The following SLC51B variants were observed in gnomAD, a reference collection of about 807,000 sequenced individuals.
The protein encoded by SLC51B is organic solute transporter subunit beta.
In SLC51B, 6 loss-of-function variants were observed where a neutral mutation model predicts 8.0. That is an observed-to-expected ratio of 0.75 (90% CI 0.41 to 1.48). The LOEUF (loss-of-function observed/expected upper bound fraction) is 1.48. Among genes scored for constraint, SLC51B ranks in the 40% most tolerant of loss-of-function variants. The pLI, the probability that SLC51B is intolerant of heterozygous loss-of-function variation, is 0.01. For synonymous variants in SLC51B, 61 were observed against 54.8 expected, an observed-to-expected ratio of 1.11 and a Z score of -0.50; for missense variants, 150 against 149.7, an observed-to-expected ratio of 1.00 and a Z score of -0.01.
chr15:65,049,285 T>C (rs2086616140), intron 1 of SLC51B: 1 of 149,650 alleles, frequency 6.7e-6, no homozygotes, highest in Non-Finnish European at 1.5e-5. Flanking sequence ...GGATTCAAGT[T>C]CTTCCCTTGC....
In SLC51B at chr15:65,051,908, C is replaced by A. The variant is rs1035443660; in HGVS notation, c.188+303C>A. On this transcript the variant is annotated intron_variant, in intron 3 of 3. Transcript: ENST00000334287. Reference sequence around the variant, plus strand: ...CCCTCTCACCCTATCAGCACACATGCACCTCAGCAAAGTCAACTCAGAGAT... The same window carrying A: ...CCCTCTCACCCTATCAGCACACATGAACCTCAGCAAAGTCAACTCAGAGAT... Among the ~76,000 whole-genome samples the A allele has an allele frequency of 5.3e-5, 8 of 152,206 alleles. 1 individual carries two copies. Among genetic ancestry groups the A allele is most frequent in the African/African-American group, 1.9e-4 (8 of 41,442 alleles).
At chr15:65,047,036 A>G (rs2086585195) in intron 1 of SLC51B, among the ~76,000 whole-genome samples, 1 of 152,210 alleles carries the variant, frequency 6.6e-6, no homozygotes, top group African/African-American at 2.4e-5. Flanking sequence ...CTCAAAAGGT[A>G]TAAGTACAAT....
rs533867122 is a variant in SLC51B, at chr15:65,053,017, G to T, written c.240G>T (p.Leu80Phe). 6.2e-7 allele frequency: 1 copy of T among 1,613,830 alleles called. No individual in the cohort carries two copies. The highest frequency in any genetic ancestry group is 2.2e-5 in the East Asian group (1 of 44,870). Residue 80 changes from leucine to phenylalanine, a missense_variant, in exon 4 of 4, where the codon TTG (leucine) becomes TTT (phenylalanine). Transcript: ENST00000334287. ...AAGAAACTCCAGAAGTCCTGCATTT[G>T]GATGAGGCCAAGGATCACAACAGCC... is the stretch of plus-strand genomic sequence containing the variant. ...PEKETPEVLH[L>F]DEAKDHNSLN...
chr15:65,052,263 T>C (rs933574372), intron 3 of SLC51B, among the ~76,000 whole-genome samples: 1 of 151,952 alleles, frequency 6.6e-6, no homozygotes, highest in Non-Finnish European at 1.5e-5. Flanking sequence ...GTGTGAGGGA[T>C]GAGGTGTGTG....
intron 1 of SLC51B, 64 bp downstream of exon 1, chr15:65,045,646 A>C (rs193003561): frequency 1.6e-4 from 25 of 152,376 alleles, no homozygotes; most frequent in African/African-American, 6.0e-4. Context: ...TCACAGTCCA[A>C]TGGCACGATG....
At position 65,052,842 on chromosome 15, in the gene SLC51B, C is replaced by A. The variant is rs2086672340; in HGVS notation, c.189-124C>A. Reference sequence around the variant, plus strand: ...AAGGAATATCCAACCATTGCCGCTTCTCCTCTAGTAGCTCCCAAACTGCAT... The same window carrying A: ...AAGGAATATCCAACCATTGCCGCTTATCCTCTAGTAGCTCCCAAACTGCAT... On this transcript the variant is annotated intron_variant, in intron 3 of 3. Transcript: ENST00000334287. 3.8e-6 allele frequency: 3 copies of A among 792,918 alleles called. No individual in the cohort carries two copies. In the African/African-American group the frequency reaches 5.3e-5, roughly 14 times the overall value. 49.1% of individuals were successfully genotyped at this position (792,918 alleles called of 1,614,324 possible).
intron 1 of SLC51B, among the ~76,000 whole-genome samples, chr15:65,047,146 G>A (rs2086586530): frequency 1.3e-5 from 2 of 151,546 alleles, no homozygotes; most frequent in South Asian, 4.2e-4. Context: ...CACCAACCTG[G>A]CAAACATGGT....
chr15:65,051,224 T>C (rs762090948), intron 2 of SLC51B, among the ~76,000 whole-genome samples: 2 of 152,140 alleles, frequency 1.3e-5, no homozygotes, highest in Non-Finnish European at 2.9e-5. Flanking sequence ...GGCCCACCTG[T>C]CTCCTGCCCT....
At position 65,051,644 on chromosome 15, in the gene SLC51B, G is replaced by C. The variant is rs758308048; in HGVS notation, c.188+39G>C. On this transcript the variant is annotated intron_variant, in intron 3 of 3. Coordinates refer to ENST00000334287, the MANE Select transcript of SLC51B (RefSeq NM_178859.4). ...CCTGGGGGGATGGGGTGGTCTCTGT[G>C]GGGTAGAGGCCCTGCCTTCCCAGAG... 4 of 1,582,312 alleles carry C rather than the reference G, an allele frequency of 2.5e-6. No homozygotes were observed. In the Admixed American group the frequency reaches 6.7e-5, roughly 26 times the overall value.
Position 65,053,263 on chromosome 15 carries a change from C to T in SLC51B, c.*99C>T, listed in dbSNP as rs138349859. 1.1e-3 allele frequency: 1,689 copies of T among 1,470,926 alleles called. 1 individual carries two copies. The highest frequency in any genetic ancestry group is 1.4e-3 in the Non-Finnish European group (1,567 of 1,114,070). 91.1% of individuals were successfully genotyped at this position (1,470,926 alleles called of 1,614,324 possible). A position where few individuals can be genotyped will look rare whatever the true frequency, so the allele number is the denominator to read the frequency against. The stretch of plus-strand genomic sequence containing the variant: ...GGTTTTAGAGTCTCTCCCAAGAAGC[C>T]GCTTTTTTCTTTTTCTTTCTTTCTT... On this transcript the variant is annotated 3_prime_UTR_variant, in exon 4 of 4. Transcript: ENST00000334287.
intron 1 of SLC51B, among the ~76,000 whole-genome samples, chr15:65,048,298 G>A (rs1227432773): frequency 6.6e-6 from 1 of 151,948 alleles, no homozygotes; most frequent in Non-Finnish European, 1.5e-5. Context: ...AGTCAGTATT[G>A]TATTTGTGTC....
chr15:65,051,715 T>A, intron 3 of SLC51B, 110 bp downstream of exon 3: 1 of 933,462 alleles, frequency 1.1e-6, no homozygotes, highest in Non-Finnish European at 1.7e-6. Context: ...TGTCCACCCT[T>A]TGGGACAGCA....
intron 1 of SLC51B, chr15:65,049,547 A>G (rs2086621899): frequency 1.3e-5 from 2 of 152,900 alleles, no homozygotes; most frequent in African/African-American, 2.4e-5. Context: ...CACCCAAGGG[A>G]CAAGTTGCTA....
At chr15:65,051,420 C>A in intron 2 of SLC51B, 95 bp from the exon 3 acceptor site, 1 of 1,170,456 alleles carries the variant, frequency 8.5e-7, no homozygotes, top group South Asian at 1.3e-5. Flanking sequence ...ACAGTTGATG[C>A]TGTAAGCTGG....
rs1241676717 is a variant in SLC51B, at chr15:65,050,015, G to A, written c.11G>A (p.Ser4Asn). Residue 4 changes from serine to asparagine, a missense_variant, in exon 2 of 4, where the codon AGT (serine) becomes AAT (asparagine). By Grantham distance (46) the Ser-to-Asn change is conservative. Coordinates refer to ENST00000334287, the MANE Select transcript of SLC51B (RefSeq NM_178859.4). ...ACCAGGAGCAGGGGCATGGAGCACAGTGAGGGGGCTCCCGGAGACCCAGCC... is the reference window on the plus strand; with the variant it reads ...ACCAGGAGCAGGGGCATGGAGCACAATGAGGGGGCTCCCGGAGACCCAGCC... MEH[S>N]EGAPGDPAGT... The A allele has an allele frequency of 6.4e-7, 1 of 1,551,468 alleles. No individual in the cohort carries two copies. Among genetic ancestry groups the A allele is most frequent in the Admixed American group, 2.0e-5 (1 of 50,992 alleles).
At position 65,051,625 on chromosome 15, in the gene SLC51B, G is replaced by A. The variant is rs1252837086; in HGVS notation, c.188+20G>A. On this transcript the variant is annotated intron_variant, in intron 3 of 3. Transcript: ENST00000334287. The stretch of plus-strand genomic sequence containing the variant: ...AAGCAGGTGAGGAGCTGGTCCTGGG[G>A]GGATGGGGTGGTCTCTGTGGGGTAG... The A allele has an allele frequency of 6.2e-7, 1 of 1,610,654 alleles. No individual in the cohort carries two copies. Among genetic ancestry groups the A allele is most frequent in the Non-Finnish European group, 8.5e-7 (1 of 1,177,346 alleles).
chr15:65,050,122 G>T (rs2086630208), intron 2 of SLC51B, 21 bp downstream of exon 2: 1 of 1,542,038 alleles, frequency 6.5e-7, no homozygotes, highest in Non-Finnish European at 8.8e-7. Flanking sequence ...AGAGATTGAC[G>T]GCAGGGGTGG....
Position 65,053,079 on chromosome 15 carries a change from C to T in SLC51B, c.302C>T (p.Pro101Leu). 2 of 1,614,132 alleles carry T rather than the reference C, an allele frequency of 1.2e-6. No homozygotes were observed. Among genetic ancestry groups the T allele is most frequent in the Non-Finnish European group, 1.7e-6 (2 of 1,180,030 alleles). ...AGAGAAACTTTGCTCTCAGAAAAGC[C>T]AAACTTGGCCCAGGTGGAACTTGAG... Reference protein sequence around the residue: ...NLRETLLSEKPNLAQVELELK... With the variant: ...NLRETLLSEKLNLAQVELELK... Residue 101 changes from proline (P) to leucine (L), a missense_variant, in exon 4 of 4, where the codon CCA becomes CTA. Coordinates refer to ENST00000334287, the MANE Select transcript of SLC51B (RefSeq NM_178859.4).
intron 1 of SLC51B, among the ~76,000 whole-genome samples, chr15:65,046,470 CA>C (rs1566949527): frequency 6.6e-6 from 1 of 151,070 alleles, no homozygotes; most frequent in Non-Finnish European, 1.5e-5. Context: ...AACTCTGTCT[CA>C]AAAAAAAGAA....
Sources: allele counts gnomAD v4.1 joint callset (sites outside exome capture counted in the v4.1 genomes callset), GRCh38; gene constraint gnomAD v4.1.1; transcripts MANE v1.5; gene names NCBI Gene and HGNC (gene_info 2026-07-23, HGNC 2026-07-21).